Variants in CALN1 observed in about 807,000 individuals in gnomAD.
The protein encoded by CALN1 is calcium-binding protein 8.
CALN1 carries 17 observed loss-of-function variants against 30.6 expected under a neutral mutation model. That is an observed-to-expected ratio of 0.56 (90% CI 0.38 to 0.83). The LOEUF is 0.83. Ranked by LOEUF, CALN1 falls within the 40% of genes least tolerant of loss-of-function variation. The pLI is 0.00. For missense variants in CALN1, 291 were observed against 354.9 expected, an observed-to-expected ratio of 0.82 and a Z score of 1.45; for synonymous variants, 156 against 131.4, an observed-to-expected ratio of 1.19 and a Z score of -1.28.
chr7:71,942,719 G>A (rs896959649), intron 5 of CALN1, among the ~76,000 whole-genome samples: 1 of 152,092 alleles, frequency 6.6e-6, no homozygotes, highest in Non-Finnish European at 1.5e-5. Flanking sequence ...GCATAATGTA[G>A]AATGAAGAAG....
rs1288243599 is a variant in CALN1, at chr7:72,023,745, T to A, written c.413A>T (p.Glu138Val). 6.2e-7 allele frequency: 1 copy of A among 1,613,786 alleles called. No individual in the cohort carries two copies. Among genetic ancestry groups the A allele is most frequent in the Admixed American group, 1.7e-5 (1 of 59,958 alleles). The change falls in exon 5 of 7, where the codon GAA becomes GTA. Residue 138 changes from glutamate to valine, a missense_variant. By Grantham distance (121) the Glu-to-Val change is moderately radical. This residue lies in a region of CALN1 where 169 missense variants were observed against 251.7 expected (regional missense o/e 0.67). Coordinates refer to ENST00000395275, the MANE Select transcript of CALN1 (RefSeq NM_031468.4). ...MDGDGQVDFD[E>V]FMTILGPKLV... ...TTTGGGGCCAAGAATGGTCATGAAT[T>A]CATCAAAATCCACCTGGCCATCCCC...
intron 5 of CALN1, among the ~76,000 whole-genome samples, chr7:71,893,274 TA>T (rs1390338021): frequency 2.0e-5 from 3 of 152,076 alleles, no homozygotes. Flanking sequence ...TGGATGCTGC[TA>T]AACACCCTGT....
the CALN1 span, among the ~76,000 whole-genome samples, chr7:72,453,532 T>C: frequency 6.6e-6 from 1 of 152,250 alleles, no homozygotes; most frequent in Non-Finnish European, 1.5e-5. Flanking sequence ...GCCTCTTCCC[T>C]GTTTCAGCCA....
chr7:72,008,074 G>A (rs904800837), intron 5 of CALN1, among the ~76,000 whole-genome samples: 1 of 152,076 alleles, frequency 6.6e-6, no homozygotes, highest in African/African-American at 2.4e-5. Context: ...AGTGGAAAGG[G>A]GTCATGGATC....
At chr7:72,290,882 C>A (rs1029306553) in intron 2 of CALN1, among the ~76,000 whole-genome samples, 9 of 151,696 alleles carry the variant, frequency 5.9e-5, no homozygotes, top group African/African-American at 2.2e-4. Flanking sequence ...CACTGAGTAT[C>A]AATCTTTCAT....
chr7:72,138,823 A>G (rs2129543294), intron 3 of CALN1, among the ~76,000 whole-genome samples: 1 of 152,252 alleles, frequency 6.6e-6, no homozygotes, highest in African/African-American at 2.4e-5. Context: ...AACTGTCACC[A>G]TAATGGAAAA....
chr7:72,289,493 C>T (rs561013030), intron 2 of CALN1, among the ~76,000 whole-genome samples: 2 of 152,122 alleles, frequency 1.3e-5, no homozygotes, highest in Non-Finnish European at 2.9e-5. Context: ...AGCACTTGGT[C>T]TCAAAAAGAA....
intron 5 of CALN1, among the ~76,000 whole-genome samples, chr7:71,872,176 T>A (rs1297281522): frequency 1.3e-5 from 2 of 152,204 alleles, no homozygotes; most frequent in African/African-American, 4.8e-5. Flanking sequence ...TGTTTGCACA[T>A]TTGATCTTCC....
intron 2 of CALN1, chr7:72,337,320 G>T (rs1440096138): frequency 3.1e-6 from 3 of 981,114 alleles, no homozygotes; most frequent in African/African-American, 3.5e-5. Context: ...CCGAGGGTCG[G>T]GGAGCCCCCA....
At chr7:72,184,508 C>G (rs1790044893) in intron 3 of CALN1, among the ~76,000 whole-genome samples, 1 of 152,208 alleles carries the variant, frequency 6.6e-6, no homozygotes, top group Admixed American at 6.5e-5. Context: ...GTGCTTGACA[C>G]AGTTCTGGCA....
intron 4 of CALN1, among the ~76,000 whole-genome samples, chr7:72,053,747 TA>T (rs1802990394): frequency 6.6e-6 from 1 of 152,172 alleles, no homozygotes; most frequent in Non-Finnish European, 1.5e-5. Context: ...CACCCAGCAG[TA>T]TACACTGCAC....
intron 5 of CALN1, among the ~76,000 whole-genome samples, chr7:71,872,721 C>G (rs1199986551): frequency 2.0e-5 from 3 of 151,588 alleles, no homozygotes; most frequent in African/African-American, 7.3e-5. Flanking sequence ...TCAAGCGATT[C>G]TCCTACCTCA....
At chr7:72,272,293 C>A (rs973056904) in intron 3 of CALN1, among the ~76,000 whole-genome samples, 1 of 151,908 alleles carries the variant, frequency 6.6e-6, no homozygotes, top group Non-Finnish European at 1.5e-5. Context: ...CAGGTGTGTT[C>A]GCTCATGCCT....
chr7:72,220,684 C>A (rs1243742944), intron 3 of CALN1, among the ~76,000 whole-genome samples: 1 of 152,030 alleles, frequency 6.6e-6, no homozygotes, highest in Admixed American at 6.6e-5. Flanking sequence ...TCCTATTTCT[C>A]CACATCCTCT....
chr7:72,369,304 TATTTATAAATATTTATAATATATATA>T (rs1804073625), intron 2 of CALN1, among the ~76,000 whole-genome samples: 2 of 146,964 alleles, frequency 1.4e-5, no homozygotes, highest in Non-Finnish European at 3.0e-5. Context: ...TATATTTATA[TATTTATAAATATTTATAATATATATA>T]ATTTATAAAT....
intron 5 of CALN1, among the ~76,000 whole-genome samples, chr7:71,998,201 A>T (rs1799347450): frequency 6.6e-6 from 1 of 152,116 alleles, no homozygotes; most frequent in Non-Finnish European, 1.5e-5. Flanking sequence ...ATAAAGAAAA[A>T]CCAAAAAATT....
chr7:71,864,491 G>A (rs1791475716), intron 5 of CALN1, among the ~76,000 whole-genome samples: 1 of 152,144 alleles, frequency 6.6e-6, no homozygotes, highest in South Asian at 2.1e-4. Context: ...GGAGCCACGA[G>A]GAACTGAATT....
intron 5 of CALN1, among the ~76,000 whole-genome samples, chr7:71,912,481 A>C (rs1794475157): frequency 6.6e-6 from 1 of 152,204 alleles, no homozygotes; most frequent in South Asian, 2.1e-4. Flanking sequence ...AACCGGCCAC[A>C]CACACAATTC....
At chr7:72,204,869 T>G (rs972153153) in intron 3 of CALN1, among the ~76,000 whole-genome samples, 1 of 152,170 alleles carries the variant, frequency 6.6e-6, no homozygotes. Context: ...AAAAATGAAA[T>G]TGCTGGGTCC....
Sources: allele counts gnomAD v4.1 joint callset (sites outside exome capture counted in the v4.1 genomes callset), GRCh38; gene constraint gnomAD v4.1.1; regional missense constraint gnomAD v4.1.1; transcripts MANE v1.5; gene names NCBI Gene and HGNC (gene_info 2026-07-23, HGNC 2026-07-21).